Variants in PRRG1 observed in about 807,000 individuals in gnomAD.
The protein encoded by PRRG1 is transmembrane gamma-carboxyglutamic acid protein 1.
A neutral mutation model predicts 11.8 loss-of-function variants in PRRG1; 5 were observed. The ratio of observed to expected loss-of-function variants is 0.42; its 90% CI spans 0.22 to 0.89. The LOEUF (loss-of-function observed/expected upper bound fraction) is 0.89. Among genes scored for constraint, PRRG1 ranks in the 40% least tolerant of loss-of-function variants. The pLI, the probability that PRRG1 is intolerant of heterozygous loss-of-function variation, is 0.28. For missense variants in PRRG1, 155 were observed against 166.1 expected (o/e 0.93, Z 0.37); for synonymous variants, 66 against 60.4 (o/e 1.09, Z -0.43).
At chrX:37,426,683 G>T (rs1167111872) in intron 3 of PRRG1, among the ~76,000 whole-genome samples, 4 of 112,023 alleles carry the variant, frequency 3.6e-5, no homozygotes, top group Non-Finnish European at 7.5e-5. Context: ...AAAGAAAGGG[G>T]TAAGAGGAAG....
intron 3 of PRRG1, among the ~76,000 whole-genome samples, chrX:37,439,410 C>A (rs1393976343): frequency 8.9e-6 from 1 of 111,802 alleles, no homozygotes; most frequent in African/African-American, 3.3e-5. Context: ...CCACAAAAAC[C>A]AAATAGGTCA....
In PRRG1 at chrX:37,456,855, T is replaced by A. The variant is rs1299162108; in HGVS notation, c.*3234T>A. On this transcript the variant is annotated 3_prime_UTR_variant, in exon 4 of 4. Transcript: ENST00000378628. ...GGAGTAACTGAATTGAATCAACCAG[T>A]TTGCATTTAAATAAAAGAACAGGCT... is the stretch of plus-strand genomic sequence containing the variant. 8.9e-6 allele frequency: 1 copy of A among 112,298 alleles called. No individual in the cohort carries two copies. The highest frequency in any genetic ancestry group is 1.9e-5 in the Non-Finnish European group (1 of 53,240). The allele number at this position is 112,298 out of a possible 1,213,427, so 9.3% of individuals were successfully genotyped here.
At chrX:37,399,176 T>G (rs1407089556) in intron 1 of PRRG1, among the ~76,000 whole-genome samples, 3 of 110,599 alleles carry the variant, frequency 2.7e-5, no homozygotes, top group Admixed American at 9.6e-5. Flanking sequence ...AGACACATAA[T>G]TGTCAGATTC....
At position 37,453,351 on chromosome X, in the gene PRRG1, C is replaced by T. The variant is rs202155860; in HGVS notation, c.387C>T (p.Ile129=). ...HIPFPQHLNI[I]TPPPPPDEVF... ...CTTTCCCTCAGCACCTTAATATTATCACCCCACCCCCCCCACCAGATGAAG... is the reference window on the plus strand; with the variant it reads ...CTTTCCCTCAGCACCTTAATATTATTACCCCACCCCCCCCACCAGATGAAG... The change falls in exon 4 of 4, where the codon ATC becomes ATT. Residue 129 remains isoleucine, a synonymous_variant. Coordinates refer to ENST00000378628, the MANE Select transcript of PRRG1 (RefSeq NM_001142395.2). 1.7e-6 allele frequency: 2 copies of T among 1,206,289 alleles called. No individual in the cohort carries two copies. Among genetic ancestry groups the T allele is most frequent in the East Asian group, 5.9e-5 (2 of 33,707 alleles).
chrX:37,350,140 A>C (rs1556364413), intron 1 of PRRG1, among the ~76,000 whole-genome samples: 1 of 111,010 alleles, frequency 9.0e-6, no homozygotes, highest in Non-Finnish European at 1.9e-5. Context: ...TGGTCCGCTG[A>C]ATTTGATCAC....
intron 1 of PRRG1, among the ~76,000 whole-genome samples, chrX:37,350,377 C>T (rs782138179): frequency 9.0e-6 from 1 of 111,676 alleles, no homozygotes; most frequent in African/African-American, 3.3e-5. Flanking sequence ...GATGGTCATA[C>T]TATAAAGCCA....
At chrX:37,388,260 G>A (rs781783649) in intron 1 of PRRG1, among the ~76,000 whole-genome samples, 2 of 112,289 alleles carry the variant, frequency 1.8e-5, no homozygotes, top group Non-Finnish European at 1.9e-5. Context: ...CCATTCTGGG[G>A]TCTGGAAGAT....
At chrX:37,416,204 C>G (rs1160122855) in intron 2 of PRRG1, among the ~76,000 whole-genome samples, 1 of 112,000 alleles carries the variant, frequency 8.9e-6, no homozygotes, top group Non-Finnish European at 1.9e-5. Flanking sequence ...TTTGTAGTAG[C>G]TACCTTAGAA....
Position 37,453,836 on chromosome X carries a change from A to G in PRRG1, c.*215A>G, listed in dbSNP as rs1556397544. ...GGGGAAATATATGAAGAGGGAAAAC[A>G]TACTAATGGGGGTCTTTCTGTGATG... On this transcript the variant is annotated 3_prime_UTR_variant, in exon 4 of 4. Transcript: ENST00000378628. The G allele has an allele frequency of 2.6e-6, 1 of 385,063 alleles. No homozygotes were observed. The highest frequency in any genetic ancestry group is 4.3e-6 in the Non-Finnish European group (1 of 233,228). 31.7% of individuals were successfully genotyped at this position (385,063 alleles called of 1,213,427 possible).
chrX:37,393,847 A>G (rs1247491422), intron 1 of PRRG1, among the ~76,000 whole-genome samples: 1 of 112,072 alleles, frequency 8.9e-6, no homozygotes, highest in Non-Finnish European at 1.9e-5. Context: ...ACGACTACAT[A>G]TGTGATTAAA....
At chrX:37,352,840 A>T (rs1214949280) in intron 1 of PRRG1, among the ~76,000 whole-genome samples, 1 of 111,907 alleles carries the variant, frequency 8.9e-6, no homozygotes, top group African/African-American at 3.2e-5. Context: ...TCAACTATGG[A>T]CAACATGTGT....
chrX:37,439,793 C>CTTTT (rs36010783), intron 3 of PRRG1, among the ~76,000 whole-genome samples: 47 of 73,975 alleles, frequency 6.4e-4, no homozygotes, highest in African/African-American at 2.0e-3. Context: ...CTTTAAAATT[C>CTTTT]TTTTTTTTTT....
chrX:37,427,407 C>G (rs1456677950), intron 3 of PRRG1, among the ~76,000 whole-genome samples: 2 of 111,998 alleles, frequency 1.8e-5, no homozygotes, highest in Non-Finnish European at 1.9e-5. Context: ...TATCCATCAC[C>G]TCCTAAAGTT....
chrX:37,430,085 A>G, intron 3 of PRRG1, among the ~76,000 whole-genome samples: 1 of 112,124 alleles, frequency 8.9e-6, no homozygotes, highest in Middle Eastern at 4.6e-3. Flanking sequence ...GTGGGGAAAC[A>G]GCCAAACTAT....
chrX:37,387,177 T>C (rs1221689429), intron 1 of PRRG1, among the ~76,000 whole-genome samples: 10 of 112,229 alleles, frequency 8.9e-5, no homozygotes, highest in African/African-American at 2.9e-4. Flanking sequence ...AACCAAGATG[T>C]CAAAATATAA....
At position 37,453,360 on chromosome X, in the gene PRRG1, C is replaced by T; in HGVS notation, c.396C>T (p.Pro132=). The change falls in exon 4 of 4, where the codon CCC becomes CCT. Residue 132 remains proline (P), a synonymous_variant. Transcript: ENST00000378628. ...AGCACCTTAATATTATCACCCCACC[C>T]CCCCCACCAGATGAAGTGTTTGACA... ...FPQHLNIITP[P]PPPDEVFDSS... 2 of 1,208,542 alleles carry T rather than the reference C, an allele frequency of 1.7e-6. No homozygotes were observed. The highest frequency in any genetic ancestry group is 2.2e-6 in the Non-Finnish European group (2 of 893,779).
chrX:37,422,177 G>A (rs1932677965), intron 2 of PRRG1, among the ~76,000 whole-genome samples: 1 of 111,961 alleles, frequency 8.9e-6, no homozygotes, highest in Non-Finnish European at 1.9e-5. Flanking sequence ...TAGCATATAA[G>A]AAAGTAATTA....
In PRRG1 at chrX:37,454,734, C is replaced by T. The variant is rs1291737426; in HGVS notation, c.*1113C>T. The T allele has an allele frequency of 1.8e-5, 2 of 111,722 alleles. No homozygotes were observed. The highest frequency in any genetic ancestry group is 6.5e-5 in the African/African-American group (2 of 30,657). 9.2% of individuals were successfully genotyped at this position (111,722 alleles called of 1,213,427 possible). A position where few individuals can be genotyped will look rare whatever the true frequency, so the allele number is the denominator to read the frequency against. On this transcript the variant is annotated 3_prime_UTR_variant, in exon 4 of 4. Transcript: ENST00000378628. Reference sequence around the variant, plus strand: ...TGCAAAGTCCATGTTATGCTAGGTGCACAATAAATCTAGTAATAGCCCCAC... The same window carrying T: ...TGCAAAGTCCATGTTATGCTAGGTGTACAATAAATCTAGTAATAGCCCCAC...
chrX:37,372,487 A>G (rs1556371083), intron 1 of PRRG1, among the ~76,000 whole-genome samples: 3 of 111,366 alleles, frequency 2.7e-5, no homozygotes, highest in African/African-American at 9.8e-5. Flanking sequence ...TGTATTTTCA[A>G]TAGAGACAGG....
Sources: gnomAD v4.1 joint callset for allele counts (sites outside exome capture counted in the v4.1 genomes callset) on GRCh38, gnomAD v4.1.1 for gene constraint, MANE v1.5 for transcripts, NCBI Gene and HGNC (gene_info 2026-07-23, HGNC 2026-07-21) for gene names.